TENM2: variants seen among roughly 807,000 people sequenced by gnomAD.
The protein encoded by TENM2 is teneurin-2.
In TENM2, 52 loss-of-function variants were observed where a neutral mutation model predicts 245.2. The ratio of observed to expected loss-of-function variants is 0.21; its 90% confidence interval spans 0.17 to 0.27. The LOEUF (loss-of-function observed/expected upper bound fraction) is 0.27, where lower values mean the gene tolerates loss of function less well. Ranked by LOEUF, TENM2 falls within the 10% of genes least tolerant of loss-of-function variation. TENM2 has a pLI of 1.00. For synonymous variants in TENM2, 1,363 were observed against 1,438.9 expected (o/e 0.95, Z 1.19); for missense variants, 3,046 against 3,666.8 (o/e 0.83, Z 4.37).
chr5:167,330,588 C>T (rs1757381748), intron 1 of TENM2, among the ~76,000 whole-genome samples: 1 of 152,048 alleles, frequency 6.6e-6, no homozygotes, highest in Non-Finnish European at 1.5e-5. Flanking sequence ...CATGAGTATC[C>T]AGTGCTTCCA....
the TENM2 span, among the ~76,000 whole-genome samples, chr5:167,124,672 C>T: frequency 1.3e-5 from 2 of 152,214 alleles, no homozygotes; most frequent in African/African-American, 4.8e-5. Flanking sequence ...ATAATGGTTC[C>T]ATCTGCTTAT....
the TENM2 span, among the ~76,000 whole-genome samples, chr5:167,132,727 G>A: frequency 2.6e-5 from 4 of 152,048 alleles, no homozygotes; most frequent in Admixed American, 1.3e-4. Flanking sequence ...CAGTAAGTTC[G>A]GTGAAATATT....
chr5:167,941,684 C>CAA (rs981805963), intron 3 of TENM2, among the ~76,000 whole-genome samples: 7 of 110,024 alleles, frequency 6.4e-5, no homozygotes, highest in African/African-American at 9.6e-5. Context: ...CCATCTCTAC[C>CAA]AAAAAAAAAA....
intron 5 of TENM2, among the ~76,000 whole-genome samples, chr5:168,014,358 C>T (rs1449723222): frequency 1.3e-5 from 2 of 152,164 alleles, no homozygotes; most frequent in African/African-American, 4.8e-5. Flanking sequence ...AGGTGACCTT[C>T]TCCAAATTAT....
chr5:167,983,925 T>C (rs1783036255), intron 4 of TENM2, among the ~76,000 whole-genome samples: 1 of 152,186 alleles, frequency 6.6e-6, no homozygotes, highest in South Asian at 2.1e-4. Flanking sequence ...GTCAAGGAGA[T>C]TTAGTAATGG....
chr5:167,123,860 A>T, the TENM2 span, among the ~76,000 whole-genome samples: 1 of 152,236 alleles, frequency 6.6e-6, no homozygotes, highest in African/African-American at 2.4e-5. Context: ...AGAGCAAGTT[A>T]TACCACCTTG....
chr5:167,845,239 C>CCA (rs55784312), intron 2 of TENM2, among the ~76,000 whole-genome samples: 1,276 of 96,930 alleles, frequency 0.013, 18 homozygotes, highest in East Asian at 0.074. Context: ...CCCTCCCGCG[C>CCA]CACACACACA....
chr5:168,042,632 G>A (rs556974790), intron 5 of TENM2, among the ~76,000 whole-genome samples: 4 of 152,080 alleles, frequency 2.6e-5, no homozygotes, highest in South Asian at 4.2e-4. Context: ...TCCCTTTCTC[G>A]GGTGTCACTC....
At chr5:168,148,723 A>G (rs1327180870) in intron 12 of TENM2, among the ~76,000 whole-genome samples, 2 of 152,180 alleles carry the variant, frequency 1.3e-5, no homozygotes, top group African/African-American at 4.8e-5. Context: ...GCTTCTGTAC[A>G]AGGTAAAAAG....
At chr5:167,053,612 T>G in the TENM2 span, among the ~76,000 whole-genome samples, 1 of 152,148 alleles carries the variant, frequency 6.6e-6, no homozygotes, top group Admixed American at 6.6e-5. Flanking sequence ...GGAGCATGCC[T>G]GCAGTGCCAG....
At chr5:167,106,792 A>G in the TENM2 span, among the ~76,000 whole-genome samples, 1 of 151,936 alleles carries the variant, frequency 6.6e-6, no homozygotes, top group Non-Finnish European at 1.5e-5. Context: ...TGGGGGAGGG[A>G]AGGATTCAAA....
chr5:167,874,499 G>A (rs557249148), intron 2 of TENM2, among the ~76,000 whole-genome samples: 64 of 152,226 alleles, frequency 4.2e-4, no homozygotes, highest in African/African-American at 1.3e-3. Context: ...TCTGTCTCAG[G>A]TACTTCTTAC....
intron 23 of TENM2, among the ~76,000 whole-genome samples, chr5:168,221,682 A>C (rs575701710): frequency 6.6e-6 from 1 of 152,320 alleles, no homozygotes; most frequent in East Asian, 1.9e-4. Flanking sequence ...CAGGACATCC[A>C]ACCGTGGAAT....
chr5:168,052,506 G>T (rs1037185084), intron 6 of TENM2, among the ~76,000 whole-genome samples: 3 of 151,580 alleles, frequency 2.0e-5, no homozygotes, highest in Non-Finnish European at 4.4e-5. Flanking sequence ...TAAAACAAAG[G>T]TGAAGACGGC....
At chr5:168,004,740 C>T (rs752908516) in intron 5 of TENM2, among the ~76,000 whole-genome samples, 18 of 152,258 alleles carry the variant, frequency 1.2e-4, no homozygotes, top group Middle Eastern at 6.8e-3. Flanking sequence ...TGGATGCCAC[C>T]GTTTCTTTTT....
Position 167,378,734 on chromosome 5 carries a change from G to A in TENM2, c.502+3261G>A, listed in dbSNP as rs1029338343. On this transcript the variant is annotated intron_variant, in intron 2 of 28. Coordinates refer to ENST00000518659, the Ensembl canonical transcript of TENM2. ...TATTATATGAGTTATGGAGAAAAAG[G>A]GGTAGTCAGTAATACAGAAGAATAA... 2.0e-5 allele frequency among the ~76,000 whole-genome samples: 3 copies of A among 152,010 alleles called. 1 individual carries two copies. In the East Asian group the frequency reaches 5.8e-4, roughly 29 times the overall value.
chr5:167,344,240 T>A (rs1021232440), intron 1 of TENM2, among the ~76,000 whole-genome samples: 2 of 147,382 alleles, frequency 1.4e-5, no homozygotes, highest in Admixed American at 1.4e-4. Context: ...ATTTTGGAGA[T>A]AATATATATA....
intron 2 of TENM2, among the ~76,000 whole-genome samples, chr5:167,570,518 T>C (rs1042063417): frequency 1.4e-4 from 22 of 152,180 alleles, no homozygotes; most frequent in African/African-American, 4.3e-4. Context: ...GTTTATAGAT[T>C]AGGGCAGAGT....
chr5:167,969,376 G>A (rs575306857), intron 4 of TENM2, among the ~76,000 whole-genome samples: 7 of 152,286 alleles, frequency 4.6e-5, no homozygotes, highest in Admixed American at 3.3e-4. Context: ...CATGTGAGAC[G>A]TGACTTGCTC....
Sources: allele counts gnomAD v4.1 joint callset (sites outside exome capture counted in the v4.1 genomes callset), GRCh38; gene constraint gnomAD v4.1.1; transcripts MANE v1.5; gene names NCBI Gene and HGNC (gene_info 2026-07-23, HGNC 2026-07-21).